METTL3: variants seen among roughly 807,000 people sequenced by gnomAD.
METTL3 encodes N(6)-adenosine-methyltransferase catalytic subunit METTL3.
A neutral mutation model predicts 64.3 loss-of-function variants in METTL3; 42 were observed. The observed-to-expected ratio is 0.65, with a 90% CI of 0.51 to 0.84. The LOEUF (loss-of-function observed/expected upper bound fraction) is 0.84, where lower values mean the gene tolerates loss of function less well. Among genes scored for constraint, METTL3 ranks in the 40% least tolerant of loss-of-function variants. The probability of loss-of-function intolerance (pLI) is 0.00; values close to 1 mark genes in which losing one functional copy is unlikely to be tolerated. For synonymous variants in METTL3, 256 were observed against 263.6 expected, an observed-to-expected ratio of 0.97 and a Z score of 0.28; for missense variants, 435 against 722.3, an observed-to-expected ratio of 0.60 and a Z score of 4.56.
chr14:21,510,939 G>T, intron 1 of METTL3, 185 bp downstream of exon 1: 1 of 634,224 alleles, frequency 1.6e-6, no homozygotes, highest in Non-Finnish European at 2.6e-6. Flanking sequence ...CCCAGCGTGA[G>T]GAGGAACCGC....
intron 6 of METTL3, 79 bp from the exon 7 acceptor site, chr14:21,499,881 C>CTA (rs1891514704): frequency 7.5e-7 from 1 of 1,336,392 alleles, no homozygotes; most frequent in Non-Finnish European, 1.1e-6. Context: ...GTTAAAAACA[C>CTA]TATAAACACT....
intron 1 of METTL3, among the ~76,000 whole-genome samples, chr14:21,510,359 T>A (rs1891803109): frequency 6.6e-6 from 1 of 151,970 alleles, no homozygotes; most frequent in Admixed American, 6.6e-5. Flanking sequence ...TTGAAGATAC[T>A]GACAAATATT....
At chr14:21,500,745 C>T (rs1891544701) in intron 5 of METTL3, 63 bp from the exon 6 acceptor site, 2 of 1,527,520 alleles carry the variant, frequency 1.3e-6, no homozygotes, top group Non-Finnish European at 1.8e-6. Context: ...GCCCGAGTCC[C>T]TCTTTTCCAT....
Position 21,511,304 on chromosome 14 carries a change from A to T in METTL3, c.-81T>A. The T allele has an allele frequency of 6.6e-7, 1 of 1,518,398 alleles. No homozygotes were observed. Among genetic ancestry groups the T allele is most frequent in the Non-Finnish European group, 8.9e-7 (1 of 1,129,182 alleles). The allele number at this position is 1,518,398 out of a possible 1,614,324, so 94.1% of individuals were successfully genotyped here. ...CAGCACTCGCTCCAGGATATAGCCA[A>T]TTCTCACGCGGACACCCCGAAGGCT... On this transcript the variant is annotated 5_prime_UTR_variant, in exon 1 of 11. It adds an upstream start codon to the 5' untranslated region. Transcript: ENST00000298717.
At chr14:21,504,712 CTT>C (rs1451362415) in intron 1 of METTL3, 1 of 151,860 alleles carries the variant, frequency 6.6e-6, no homozygotes, top group Non-Finnish European at 1.5e-5. Flanking sequence ...GGGTGGATCA[CTT>C]GAGGTGAGGA....
Position 21,499,005 on chromosome 14 carries a change from C to T in METTL3, c.1631+20G>A. 1 of 1,548,026 alleles carries T rather than the reference C, an allele frequency of 6.5e-7. No homozygotes were observed. The highest frequency in any genetic ancestry group is 8.9e-7 in the Non-Finnish European group (1 of 1,119,662). On this transcript the variant is annotated intron_variant, in intron 10 of 10. Transcript: ENST00000298717. ...AAATAATAGCCCCTTGAGGACTAGC[C>T]TGTTCTCTGGTCACCTTACCAGTTG...
intron 4 of METTL3, 75 bp downstream of exon 4, chr14:21,501,653 T>A: frequency 1.3e-6 from 2 of 1,583,642 alleles, no homozygotes; most frequent in South Asian, 2.2e-5. Context: ...AGAACCCCAA[T>A]GACTGGAAGG....
intron 1 of METTL3, among the ~76,000 whole-genome samples, chr14:21,509,258 G>A (rs1255444195): frequency 6.6e-6 from 1 of 152,126 alleles, no homozygotes; most frequent in African/African-American, 2.4e-5. Context: ...GAGGATCGCT[G>A]GAGCCCGGGA....
At position 21,499,486 on chromosome 14, in the gene METTL3, G is replaced by C. The variant is rs1008963979; in HGVS notation, c.1452+6C>G. ...ACCTATTGAATTGGGCCCCACTGCTGCTCACCAAGCAGTGTTCCTTCCCAT... is the reference window on the plus strand; with the variant it reads ...ACCTATTGAATTGGGCCCCACTGCTCCTCACCAAGCAGTGTTCCTTCCCAT... On this transcript the variant is annotated splice_donor_region_variant and intron_variant, in intron 8 of 10. Transcript: ENST00000298717. 18 of 1,609,366 alleles carry C rather than the reference G, an allele frequency of 1.1e-5. No individual in the cohort carries two copies. Among genetic ancestry groups the C allele is most frequent in the Non-Finnish European group, 1.5e-5 (18 of 1,175,652 alleles).
intron 9 of METTL3, 51 bp from the exon 10 acceptor site, chr14:21,499,188 A>G: frequency 4.4e-6 from 7 of 1,581,084 alleles, no homozygotes; most frequent in Non-Finnish European, 6.1e-6. Context: ...TTGCAATTCT[A>G]GCCCTTTCTA....
chr14:21,510,523 C>T (rs1157187736), intron 1 of METTL3: 1 of 152,184 alleles, frequency 6.6e-6, no homozygotes, highest in East Asian at 1.9e-4. Context: ...ATGATCGTGA[C>T]ACGGGGGCAA....
At chr14:21,499,670 A>C in intron 7 of METTL3, 70 bp from the exon 8 acceptor site, 1 of 1,581,370 alleles carries the variant, frequency 6.3e-7, no homozygotes. Context: ...CCATTTATAG[A>C]AGCAAGGAAT....
intron 4 of METTL3, 183 bp from the exon 5 acceptor site, chr14:21,501,312 T>C: frequency 1.7e-6 from 1 of 601,790 alleles, no homozygotes; most frequent in South Asian, 2.1e-5. Context: ...ACAGAACAAT[T>C]GTAATTCCTC....
chr14:21,511,030 G>A, intron 1 of METTL3, 94 bp downstream of exon 1: 2 of 1,405,856 alleles, frequency 1.4e-6, no homozygotes, highest in South Asian at 1.4e-5. Flanking sequence ...AGAAATGGCC[G>A]TTTGGTAAAG....
chr14:21,498,456 T>A, intron 10 of METTL3, 87 bp from the exon 11 acceptor site: 4 of 1,238,002 alleles, frequency 3.2e-6, no homozygotes, highest in South Asian at 1.3e-5. Context: ...AAATGAAGAC[T>A]GCCTATCATC....
chr14:21,507,808 C>A (rs1050669943), intron 1 of METTL3: 1 of 152,210 alleles, frequency 6.6e-6, no homozygotes, highest in African/African-American at 2.4e-5. Context: ...AAAATACATT[C>A]TTTGAAATAA....
Position 21,511,266 on chromosome 14 carries a change from G to A in METTL3, c.-43C>T, listed in dbSNP as rs1167921298. 1.3e-6 allele frequency: 2 copies of A among 1,593,136 alleles called. No individual in the cohort carries two copies. The highest frequency in any genetic ancestry group is 1.8e-5 in the Admixed American group (1 of 56,632). On this transcript the variant is annotated 5_prime_UTR_variant, in exon 1 of 11. Coordinates refer to ENST00000298717, the MANE Select transcript of METTL3 (RefSeq NM_019852.5). ...GACACCTCTCGAATAAGGCGCGGCG[G>A]ACTAGCACCTCCCAGCACTCGCTCC...
chr14:21,505,690 A>G (rs1326468096), intron 1 of METTL3, among the ~76,000 whole-genome samples: 1 of 152,170 alleles, frequency 6.6e-6, no homozygotes, highest in Non-Finnish European at 1.5e-5. Context: ...ATCATCCCTA[A>G]AACCGGTTAC....
At position 21,500,348 on chromosome 14, in the gene METTL3, A is replaced by G. The variant is rs948455704; in HGVS notation, c.1304+147T>C. 25 of 748,086 alleles carry G rather than the reference A, an allele frequency of 3.3e-5. No homozygotes were observed. The Admixed American group carries it at 3.5e-4, about 10-fold the overall frequency. The allele number at this position is 748,086 out of a possible 1,614,324, so 46.3% of individuals were successfully genotyped here. A position where few individuals can be genotyped will look rare whatever the true frequency, so the allele number is the denominator to read the frequency against. ...TACTGCACTCCAGCCTAAGCAACACAGTGAGACTCTCTCAAAAAAAAAGAA... is the reference window on the plus strand; with the variant it reads ...TACTGCACTCCAGCCTAAGCAACACGGTGAGACTCTCTCAAAAAAAAAGAA... On this transcript the variant is annotated intron_variant, in intron 6 of 10. Coordinates refer to ENST00000298717, the MANE Select transcript of METTL3 (RefSeq NM_019852.5).
Sources: gnomAD v4.1 joint callset for allele counts (sites outside exome capture counted in the v4.1 genomes callset) on GRCh38, gnomAD v4.1.1 for gene constraint, MANE v1.5 for transcripts, NCBI Gene and HGNC (gene_info 2026-07-23, HGNC 2026-07-21) for gene names.